BMPR1B: variants seen among roughly 807,000 people sequenced by gnomAD.
BMPR1B encodes bone morphogenetic protein receptor type 1B.
Under a neutral mutation model 59.1 loss-of-function variants are expected in BMPR1B, and 12 were observed. The observed-to-expected ratio is 0.20, with a 90% CI of 0.13 to 0.33. The LOEUF is 0.33. Ranked by LOEUF, BMPR1B falls within the 10% of genes least tolerant of loss-of-function variation. The pLI is 1.00. For synonymous variants in BMPR1B, 237 were observed against 207.3 expected (o/e 1.14, Z -1.23); for missense variants, 550 against 610.9 (o/e 0.90, Z 1.05).
chr4:94,825,927 C>A (rs557226958), intron 1 of BMPR1B, among the ~76,000 whole-genome samples: 9 of 152,180 alleles, frequency 5.9e-5, no homozygotes, highest in Admixed American at 3.3e-4. Flanking sequence ...AACTTTGGAG[C>A]CAGGCATATG....
At chr4:95,099,020 A>G (rs1406749658) in intron 3 of BMPR1B, among the ~76,000 whole-genome samples, 1 of 152,130 alleles carries the variant, frequency 6.6e-6, no homozygotes, top group Non-Finnish European at 1.5e-5. Context: ...CCGGCCATCA[A>G]TTATTTTAAA....
intron 6 of BMPR1B, among the ~76,000 whole-genome samples, chr4:95,117,449 T>C (rs1251298149): frequency 6.6e-6 from 1 of 151,792 alleles, no homozygotes; most frequent in Non-Finnish European, 1.5e-5. Context: ...ACTACAGGAG[T>C]ATGAAACAGC....
intron 2 of BMPR1B, among the ~76,000 whole-genome samples, chr4:94,975,090 AT>A (rs774263780): frequency 4.1e-4 from 63 of 152,126 alleles, no homozygotes; most frequent in Non-Finnish European, 6.5e-4. Flanking sequence ...CACAAAAGGT[AT>A]TGGGCTACTT....
intron 1 of BMPR1B, among the ~76,000 whole-genome samples, chr4:94,772,128 T>A (rs913683445): frequency 6.6e-6 from 1 of 152,248 alleles, no homozygotes; most frequent in Non-Finnish European, 1.5e-5. Flanking sequence ...CTGATTTGAT[T>A]CATCAGAATG....
chr4:94,792,361 T>C (rs2110604470), intron 1 of BMPR1B, among the ~76,000 whole-genome samples: 1 of 152,288 alleles, frequency 6.6e-6, no homozygotes, highest in East Asian at 1.9e-4. Context: ...CTCTGATTTT[T>C]GTCAGTTATT....
At chr4:94,904,135 C>A (rs921264148) in intron 2 of BMPR1B, among the ~76,000 whole-genome samples, 1 of 151,946 alleles carries the variant, frequency 6.6e-6, no homozygotes, top group Non-Finnish European at 1.5e-5. Context: ...AATAATACTT[C>A]ATGTTTGTGT....
intron 3 of BMPR1B, among the ~76,000 whole-genome samples, chr4:95,080,825 T>G (rs556294136): frequency 6.6e-6 from 1 of 152,326 alleles, no homozygotes; most frequent in South Asian, 2.1e-4. Context: ...ATAAAATGAT[T>G]AATTTTATTA....
At chr4:94,867,657 A>G (rs1726299980) in intron 1 of BMPR1B, among the ~76,000 whole-genome samples, 1 of 152,142 alleles carries the variant, frequency 6.6e-6, no homozygotes, top group Non-Finnish European at 1.5e-5. Flanking sequence ...TAAAGAAAAC[A>G]TTTTAGAGTT....
chr4:95,076,989 C>A (rs114629821), intron 3 of BMPR1B, among the ~76,000 whole-genome samples: 1,760 of 152,148 alleles, frequency 0.012, 11 homozygotes, highest in Middle Eastern at 0.034. Flanking sequence ...TTACTTTATT[C>A]GCTTTACAAG....
chr4:94,960,255 A>G (rs1484995160), intron 2 of BMPR1B, among the ~76,000 whole-genome samples: 1 of 152,200 alleles, frequency 6.6e-6, no homozygotes, highest in Non-Finnish European at 1.5e-5. Flanking sequence ...TCCTTGGTAC[A>G]GCTGTAGTAT....
At chr4:94,901,393 G>C (rs1727803901) in intron 2 of BMPR1B, among the ~76,000 whole-genome samples, 1 of 151,928 alleles carries the variant, frequency 6.6e-6, no homozygotes, top group Non-Finnish European at 1.5e-5. Context: ...CTCCTTCCTT[G>C]TGGAGAAGGA....
At chr4:94,943,700 C>T (rs544807749) in intron 2 of BMPR1B, among the ~76,000 whole-genome samples, 15 of 152,234 alleles carry the variant, frequency 9.9e-5, no homozygotes, top group Non-Finnish European at 1.6e-4. Context: ...TCATGCTCTT[C>T]GTGTTAAAGA....
intron 1 of BMPR1B, among the ~76,000 whole-genome samples, chr4:94,869,417 G>T (rs934197509): frequency 6.7e-6 from 1 of 149,302 alleles, no homozygotes; most frequent in African/African-American, 2.6e-5. Flanking sequence ...TTTCTTTGAG[G>T]GTTCTCTTAA....
rs149050457 is a variant in BMPR1B at position 95,105,959 on chromosome 4, G to A, written c.143+1392G>A. 1.0e-3 allele frequency among the ~76,000 whole-genome samples: 156 copies of A among 152,082 alleles called. 1 individual carries two copies. The East Asian group carries it at 0.029, about 29-fold the overall frequency. The stretch of plus-strand genomic sequence containing the variant: ...GAATACGCCTGTGTGTGTCATTTGA[G>A]CTATTGTCCTGGTGATCAGGATTTT... On this transcript the variant is annotated intron_variant, in intron 4 of 12. Transcript: ENST00000515059.
At chr4:94,787,547 C>G (rs1375323060) in intron 1 of BMPR1B, among the ~76,000 whole-genome samples, 1 of 152,146 alleles carries the variant, frequency 6.6e-6, no homozygotes, top group African/African-American at 2.4e-5. Context: ...ACACTTAGCT[C>G]AGCCTCTTTG....
chr4:95,072,085 A>G (rs4426786), intron 3 of BMPR1B, among the ~76,000 whole-genome samples: 143,573 of 152,104 alleles, frequency 0.94, 67,825 homozygotes, highest in Middle Eastern at 0.99. Flanking sequence ...TCAAGACTTA[A>G]GCAGAGGGGA....
chr4:94,985,034 G>A (rs887998469), intron 2 of BMPR1B, among the ~76,000 whole-genome samples: 1 of 152,162 alleles, frequency 6.6e-6, no homozygotes, highest in Non-Finnish European at 1.5e-5. Context: ...TCTACACGTG[G>A]CACTTCCTGT....
chr4:94,897,365 G>A (rs1404915357), intron 2 of BMPR1B, among the ~76,000 whole-genome samples: 3 of 151,984 alleles, frequency 2.0e-5, no homozygotes, highest in Non-Finnish European at 4.4e-5. Context: ...TAGATAATGC[G>A]ATGCATTGAA....
intron 2 of BMPR1B, among the ~76,000 whole-genome samples, chr4:94,921,351 A>G (rs961581810): frequency 6.6e-6 from 1 of 152,194 alleles, no homozygotes; most frequent in African/African-American, 2.4e-5. Context: ...GCATTGCTAG[A>G]AAGAAATGCC....
Sources: gnomAD v4.1 joint callset for allele counts (sites outside exome capture counted in the v4.1 genomes callset) on GRCh38, gnomAD v4.1.1 for gene constraint, MANE v1.5 for transcripts, NCBI Gene and HGNC (gene_info 2026-07-23, HGNC 2026-07-21) for gene names.